The following SLC2A7 variants were observed in gnomAD, a reference collection of about 807,000 sequenced individuals.
The protein encoded by SLC2A7 is solute carrier family 2 member 7, also known as solute carrier family 2, facilitated glucose transporter member 7.
A neutral mutation model predicts 50.5 loss-of-function variants in SLC2A7; 50 were observed. The ratio of observed to expected loss-of-function variants is 0.99; its 90% CI spans 0.79 to 1.25. SLC2A7 has a LOEUF of 1.25. Ranked by LOEUF, SLC2A7 falls within the 50% of genes most tolerant of loss-of-function variation. The pLI, the probability that SLC2A7 is intolerant of heterozygous loss-of-function variation, is 0.00. For missense variants in SLC2A7, 683 were observed against 679.1 expected (o/e 1.01, Z -0.06); for synonymous variants, 308 against 300.4 (o/e 1.03, Z -0.26).
intron 9 of SLC2A7, 129 bp from the exon 10 acceptor site, chr1:9,007,514 T>G (rs975269116): frequency 2.5e-6 from 2 of 793,562 alleles, no homozygotes; most frequent in Non-Finnish European, 4.1e-6. Flanking sequence ...TCCATGGACC[T>G]TGAGGGCTCT....
At chr1:9,004,534 C>G (rs533679474) in intron 11 of SLC2A7, among the ~76,000 whole-genome samples, 1 of 146,804 alleles carries the variant, frequency 6.8e-6, no homozygotes, top group East Asian at 2.0e-4. Context: ...AAGCAATAGC[C>G]CTTTACAATG....
At position 9,003,049 on chromosome 1, in the gene SLC2A7, G is replaced by C. The variant is rs1196460593; in HGVS notation, c.*251C>G. Among the ~76,000 whole-genome samples the C allele has an allele frequency of 6.6e-6, 1 of 152,228 alleles. No individual in the cohort carries two copies. The highest frequency in any genetic ancestry group is 2.4e-5 in the African/African-American group (1 of 41,468). On this transcript the variant is annotated 3_prime_UTR_variant, in exon 12 of 12. Transcript: ENST00000400906. ...AAATTTTGGTGCCAATGTAGAATCG[G>C]AAAATCGAGTCTTAACCAATCAAAA...
chr1:8,995,015 C>T, the SLC2A7 span, among the ~76,000 whole-genome samples: 1 of 151,768 alleles, frequency 6.6e-6, no homozygotes, highest in Non-Finnish European at 1.5e-5. Context: ...AGGTGATTCA[C>T]CTGCCTCAGC....
In SLC2A7 at chr1:9,026,401, C is replaced by T. The variant is rs1641002582; in HGVS notation, c.-56G>A. The stretch of plus-strand genomic sequence containing the variant: ...TACCTCCCAAGTGACACCTGCTCTG[C>T]GCCAGCCACCTAAAGACCGGCTGTT... On this transcript the variant is annotated 5_prime_UTR_variant, in exon 1 of 12. Transcript: ENST00000400906. The T allele has an allele frequency of 2.0e-6, 3 of 1,515,006 alleles. No homozygotes were observed. The highest frequency in any genetic ancestry group is 2.7e-6 in the Non-Finnish European group (3 of 1,118,916). The allele number at this position is 1,515,006 out of a possible 1,614,324, so 93.8% of individuals were successfully genotyped here.
downstream of SLC2A7, among the ~76,000 whole-genome samples, chr1:8,999,191 T>A (rs1186543578): frequency 2.6e-5 from 4 of 152,176 alleles, no homozygotes; most frequent in East Asian, 5.8e-4. Flanking sequence ...TTTGTATTTT[T>A]AATAGAGACA....
At chr1:9,012,190 G>T (rs987387501) in intron 8 of SLC2A7, among the ~76,000 whole-genome samples, 15 of 152,188 alleles carry the variant, frequency 9.9e-5, no homozygotes, top group African/African-American at 3.6e-4. Context: ...CTGCCATTCA[G>T]GATGGGAGCG....
chr1:8,993,912 C>A, the SLC2A7 span, among the ~76,000 whole-genome samples: 1 of 152,196 alleles, frequency 6.6e-6, no homozygotes, highest in African/African-American at 2.4e-5. Flanking sequence ...CAGGCATGAG[C>A]CACAGCGCCT....
At chr1:9,002,580 T>C (rs1443785512), downstream of SLC2A7, among the ~76,000 whole-genome samples, 1 of 152,142 alleles carries the variant, frequency 6.6e-6, no homozygotes, top group African/African-American at 2.4e-5. Context: ...CCACCATTAC[T>C]CTATAGTCCT....
intron 5 of SLC2A7, among the ~76,000 whole-genome samples, chr1:9,016,820 C>G (rs1011043117): frequency 6.6e-6 from 1 of 152,200 alleles, no homozygotes. Context: ...CTCTTATCCT[C>G]TTTCCCTCCA....
At chr1:9,019,716 G>A (rs1040933014) in intron 3 of SLC2A7, among the ~76,000 whole-genome samples, 1 of 152,190 alleles carries the variant, frequency 6.6e-6, no homozygotes, top group Non-Finnish European at 1.5e-5. Context: ...TTGAGGTCTG[G>A]AGTTCGAGAC....
chr1:9,015,091 T>C (rs1569797307), intron 6 of SLC2A7, 26 bp downstream of exon 6: 2 of 1,611,754 alleles, frequency 1.2e-6, no homozygotes, highest in East Asian at 4.5e-5. Context: ...GGGCAGGGCC[T>C]GGGAGAGTAG....
chr1:9,014,534 T>G (rs1569795771), intron 7 of SLC2A7, 147 bp downstream of exon 7: 3 of 898,740 alleles, frequency 3.3e-6, no homozygotes, highest in East Asian at 5.7e-5. Flanking sequence ...CAGAGAGGAG[T>G]GAGGTTTCTT....
Position 9,007,399 on chromosome 1 carries a change from C to A in SLC2A7, c.1117-14G>T, listed in dbSNP as rs372094818. On this transcript the variant is annotated splice_polypyrimidine_tract_variant and intron_variant, in intron 9 of 11. Coordinates refer to ENST00000400906, the MANE Select transcript of SLC2A7 (RefSeq NM_207420.3). ...GGGGACCCTGTTCTGTGGGGAGAGGCAGGGCTGTCTGGGCTGAGGCCAGGA... is the reference window on the plus strand; with the variant it reads ...GGGGACCCTGTTCTGTGGGGAGAGGAAGGGCTGTCTGGGCTGAGGCCAGGA... 66 of 1,613,698 alleles carry A rather than the reference C, an allele frequency of 4.1e-5. No individual in the cohort carries two copies. The African/African-American group carries it at 8.1e-4, about 20-fold the overall frequency.
At chr1:9,011,174 C>T (rs1352815712) in intron 8 of SLC2A7, among the ~76,000 whole-genome samples, 1 of 152,264 alleles carries the variant, frequency 6.6e-6, no homozygotes, top group East Asian at 1.9e-4. Flanking sequence ...AGTAAAGGTT[C>T]ATCCTCACAC....
chr1:9,023,835 CTTCTTTTTTTTTTTTTTTTTTT>C (rs1222059541), intron 2 of SLC2A7, among the ~76,000 whole-genome samples: 3 of 65,996 alleles, frequency 4.5e-5, no homozygotes, highest in East Asian at 6.6e-4. Flanking sequence ...AAATATTCTT[CTTCTTTTTTTTTTTTTTTTTTT>C]TTTTTTTTTT....
chr1:9,026,257 G>C (rs1254084794), intron 1 of SLC2A7, 38 bp downstream of exon 1: 2 of 1,599,700 alleles, frequency 1.3e-6, no homozygotes, highest in African/African-American at 1.3e-5. Context: ...CAGCTGGTGG[G>C]AGAGGGACAG....
chr1:8,996,692 A>G, the SLC2A7 span, among the ~76,000 whole-genome samples: 1 of 152,180 alleles, frequency 6.6e-6, no homozygotes, highest in East Asian at 1.9e-4. Context: ...ACTTGTAGTC[A>G]GTATTTTAAA....
the SLC2A7 span, among the ~76,000 whole-genome samples, chr1:8,995,535 A>G: frequency 1.7e-3 from 262 of 151,464 alleles, no homozygotes; most frequent in African/African-American, 6.1e-3. Flanking sequence ...TCACAAGGTC[A>G]GGAGTTCGAG....
In SLC2A7 at chr1:9,019,325, G is replaced by T. The variant is rs75018842; in HGVS notation, c.320C>A (p.Thr107Asn). 6.2e-7 allele frequency: 1 copy of T among 1,613,994 alleles called. No individual in the cohort carries two copies. Among genetic ancestry groups the T allele is most frequent in the East Asian group, 2.2e-5 (1 of 44,872 alleles). The change falls in exon 4 of 12, where the codon ACC (threonine) becomes AAC (asparagine). Residue 107 changes from threonine to asparagine, a missense_variant. By Grantham distance (65) the Thr-to-Asn change is moderately conservative. Transcript: ENST00000400906. The stretch of plus-strand genomic sequence containing the variant: ...GGCAAAGATGTTGTTGATCAGCAGG[G>T]TCCCCTTTCTGCAAAGACAGTGAGC... Reference protein sequence around the residue: ...LLVDSCGRKGTLLINNIFAII... With the variant: ...LLVDSCGRKGNLLINNIFAII...
Sources: allele counts gnomAD v4.1 joint callset (sites outside exome capture counted in the v4.1 genomes callset), GRCh38; gene constraint gnomAD v4.1.1; transcripts MANE v1.5; gene names NCBI Gene and HGNC (gene_info 2026-07-23, HGNC 2026-07-21).